The following TRPM1 variants were observed in gnomAD, a reference collection of about 807,000 sequenced individuals.
TRPM1 encodes the protein transient receptor potential cation channel subfamily M member 1.
TRPM1 carries 113 observed loss-of-function variants against 149.4 expected under a neutral mutation model. That is an observed-to-expected ratio of 0.76 (90% confidence interval 0.65 to 0.88). The LOEUF (loss-of-function observed/expected upper bound fraction) is 0.88, where lower values mean the gene tolerates loss of function less well. Among genes scored for constraint, TRPM1 ranks in the 40% least tolerant of loss-of-function variants. The pLI is 0.00. For missense variants in TRPM1, 1,976 were observed against 2,038.7 expected (o/e 0.97, Z 0.59); for synonymous variants, 741 against 759.5 (o/e 0.98, Z 0.40).
intron 22 of TRPM1, among the ~76,000 whole-genome samples, chr15:31,032,225 A>G (rs1233323450): frequency 6.6e-6 from 1 of 152,176 alleles, no homozygotes; most frequent in Non-Finnish European, 1.5e-5. Flanking sequence ...AAGCTCTTAC[A>G]AAAAAACGAG....
chr15:31,111,657 G>A (rs1368272701), intron 1 of TRPM1, among the ~76,000 whole-genome samples: 1 of 152,122 alleles, frequency 6.6e-6, no homozygotes, highest in Non-Finnish European at 1.5e-5. Context: ...CAGTCCACAC[G>A]GGAAGACGTC....
chr15:31,104,839 C>A (rs1261967823), upstream of TRPM1, among the ~76,000 whole-genome samples: 1 of 152,046 alleles, frequency 6.6e-6, no homozygotes, highest in Non-Finnish European at 1.5e-5. Flanking sequence ...TGTGATCCGC[C>A]CACCCTGGCC....
intron 21 of TRPM1, 39 bp from the exon 22 acceptor site, chr15:31,032,979 G>A (rs754469716): frequency 1.8e-5 from 29 of 1,612,512 alleles, no homozygotes; most frequent in Admixed American, 8.3e-5. Context: ...CTGAGATGCC[G>A]TATTAGAAGT....
chr15:31,088,063 G>T (rs1169820168), intron 1 of TRPM1, among the ~76,000 whole-genome samples: 1 of 152,204 alleles, frequency 6.6e-6, no homozygotes, highest in Non-Finnish European at 1.5e-5. Flanking sequence ...TGTGAGAGGT[G>T]CAGCCGACTG....
intron 1 of TRPM1, among the ~76,000 whole-genome samples, chr15:31,154,999 G>A (rs756979951): frequency 3.9e-5 from 6 of 152,154 alleles, no homozygotes; most frequent in Non-Finnish European, 7.3e-5. Context: ...GTAATAATCC[G>A]TGTGAATTAT....
At chr15:31,057,043 A>T (rs990775798) in intron 11 of TRPM1, among the ~76,000 whole-genome samples, 1 of 152,214 alleles carries the variant, frequency 6.6e-6, no homozygotes, top group Non-Finnish European at 1.5e-5. Flanking sequence ...TCTAGGAGGC[A>T]ATGGCCAGTC....
At chr15:31,089,653 T>TA (rs2035168884) in intron 1 of TRPM1, among the ~76,000 whole-genome samples, 1 of 152,220 alleles carries the variant, frequency 6.6e-6, no homozygotes, top group Non-Finnish European at 1.5e-5. Flanking sequence ...CAGGCCCAGC[T>TA]ACCCTGGGAC....
At chr15:31,121,141 G>C (rs940529534) in intron 1 of TRPM1, among the ~76,000 whole-genome samples, 5 of 145,406 alleles carry the variant, frequency 3.4e-5, no homozygotes, top group African/African-American at 5.2e-5. Context: ...GCAGAGAATT[G>C]CTTTGACCCA....
chr15:31,035,593 T>C lies in TRPM1; in HGVS notation c.2653A>G (p.Ile885Val), dbSNP rs201650867. 1.2e-4 allele frequency: 190 copies of C among 1,614,188 alleles called. 1 individual carries two copies. The East Asian group carries it at 4.0e-3, about 34-fold the overall frequency. The change falls in exon 21 of 28, where the codon ATC becomes GTC. Residue 885 changes from isoleucine to valine, a missense_variant. Around this residue, in one of 3 missense-constraint regions of TRPM1, gnomAD observed 1,332 missense variants for 1,347.1 expected, o/e 0.99. Transcript: ENST00000256552. ...MDGWPSLQEW[I>V]VISYIVSLAL... ...AGGCTCACGATGTAGGAGATGACGA[T>C]CCACTCCTGGAGGGACGGCCAGCCA...
At chr15:31,146,608 T>C (rs1428636122) in intron 1 of TRPM1, among the ~76,000 whole-genome samples, 1 of 152,234 alleles carries the variant, frequency 6.6e-6, no homozygotes, top group East Asian at 1.9e-4. Context: ...ATCCTTAACT[T>C]GAAATAACCT....
rs559788557 is a variant in TRPM1, at chr15:31,125,043, C to T, written c.54+35863G>A. Among the ~76,000 whole-genome samples, 18 of 151,450 alleles carry T rather than the reference C, an allele frequency of 1.2e-4. 1 individual carries two copies. The highest frequency in any genetic ancestry group is 2.9e-4 in the African/African-American group (12 of 41,170). On this transcript the variant is annotated intron_variant, in intron 1 of 26. Coordinates refer to the TRPM1 transcript ENST00000542188. Reference sequence around the variant, plus strand: ...ACAAAAAATTTGCTGGGTGTGGTGGCGCATGCCTGTAATCCCAGCTACTTG... The same window carrying T: ...ACAAAAAATTTGCTGGGTGTGGTGGTGCATGCCTGTAATCCCAGCTACTTG...
chr15:31,131,634 A>T (rs1253240853), intron 1 of TRPM1, among the ~76,000 whole-genome samples: 1 of 152,180 alleles, frequency 6.6e-6, no homozygotes, highest in Admixed American at 6.5e-5. Flanking sequence ...CTGTGGATGA[A>T]GGGGGGACTG....
At chr15:31,024,623 T>C (rs2032659161) in intron 27 of TRPM1, among the ~76,000 whole-genome samples, 1 of 152,126 alleles carries the variant, frequency 6.6e-6, no homozygotes, top group South Asian at 2.1e-4. Flanking sequence ...CTCTTGCAGC[T>C]TTGGTCCAAG....
At position 31,002,483 on chromosome 15, in the gene TRPM1, G is replaced by A. The variant is rs1212895604; in HGVS notation, c.4217C>T (p.Thr1406Ile). ...EETISPSLNK[T>I]DVIHGQDKSD... ...TTTGTCCTGTCCATGTATCACATCTGTTTTATTTAAACTTGGGGAAATAGT... is the reference window on the plus strand; with the variant it reads ...TTTGTCCTGTCCATGTATCACATCTATTTTATTTAAACTTGGGGAAATAGT... Residue 1406 changes from threonine (T) to isoleucine (I), a missense_variant, in exon 28 of 28, where the codon ACA (threonine) becomes ATA (isoleucine). Thr to Ile is a moderately conservative substitution (Grantham distance 89). This residue lies in a region of TRPM1 where 572 missense variants were observed against 578.9 expected (regional missense o/e 0.99). Transcript: ENST00000256552. 1.2e-6 allele frequency: 2 copies of A among 1,614,146 alleles called. No homozygotes were observed. The highest frequency in any genetic ancestry group is 1.7e-6 in the Non-Finnish European group (2 of 1,180,022).
chr15:31,029,782 A>T (rs2032977268), intron 23 of TRPM1, among the ~76,000 whole-genome samples: 1 of 152,152 alleles, frequency 6.6e-6, no homozygotes, highest in African/African-American at 2.4e-5. Context: ...ATAACTACAA[A>T]ATTATTAGTT....
chr15:31,112,137 A>T (rs544599624), intron 1 of TRPM1, among the ~76,000 whole-genome samples: 9 of 152,292 alleles, frequency 5.9e-5, no homozygotes, highest in Non-Finnish European at 1.2e-4. Flanking sequence ...GCAATAGAAG[A>T]AGGGATGTGG....
intron 1 of TRPM1, among the ~76,000 whole-genome samples, chr15:31,090,369 T>G (rs998199276): frequency 4.6e-5 from 7 of 152,170 alleles, no homozygotes; most frequent in African/African-American, 1.7e-4. Flanking sequence ...CTGGGCGTGG[T>G]GGCTCATGCC....
intron 1 of TRPM1, among the ~76,000 whole-genome samples, chr15:31,143,281 A>C (rs1254909493): frequency 2.6e-5 from 4 of 152,258 alleles, no homozygotes; most frequent in African/African-American, 9.6e-5. Context: ...CAAACAGAGC[A>C]AGAATTAATT....
chr15:31,060,732 C>T, intron 10 of TRPM1, 88 bp from the exon 11 acceptor site: 2 of 1,014,850 alleles, frequency 2.0e-6, no homozygotes, highest in Non-Finnish European at 3.1e-6. Context: ...CACAGGCTTC[C>T]CTTGGGCTGC....
Sources: gnomAD v4.1 joint callset for allele counts (sites outside exome capture counted in the v4.1 genomes callset) on GRCh38, gnomAD v4.1.1 for gene constraint, gnomAD v4.1.1 regional missense constraint, MANE v1.5 for transcripts, NCBI Gene and HGNC (gene_info 2026-07-23, HGNC 2026-07-21) for gene names.